LUZP2: variants seen among roughly 807,000 people sequenced by gnomAD.
The protein encoded by LUZP2 is leucine zipper protein 2.
Under a neutral mutation model 51.6 loss-of-function variants are expected in LUZP2, and 52 were observed. The ratio of observed to expected loss-of-function variants is 1.01; its 90% CI spans 0.81 to 1.27. The LOEUF is 1.27. LUZP2 is among the 50% of genes most tolerant of loss of function. LUZP2 has a pLI of 0.00. For synonymous variants in LUZP2, 154 were observed against 137.3 expected, an observed-to-expected ratio of 1.12 and a Z score of -0.85; for missense variants, 436 against 395.4, an observed-to-expected ratio of 1.10 and a Z score of -0.87.
chr11:24,963,510 A>G (rs980800384), intron 7 of LUZP2, among the ~76,000 whole-genome samples: 7 of 152,156 alleles, frequency 4.6e-5, no homozygotes, highest in African/African-American at 1.7e-4. Context: ...CTTGCAGTTT[A>G]ATCTCAGACT....
At chr11:24,932,972 T>G (rs1248343754) in intron 7 of LUZP2, among the ~76,000 whole-genome samples, 1 of 152,198 alleles carries the variant, frequency 6.6e-6, no homozygotes, top group African/African-American at 2.4e-5. Flanking sequence ...CCCTGGGGAC[T>G]GAATGTGCCC....
chr11:24,500,846 C>T (rs949824146), intron 1 of LUZP2, among the ~76,000 whole-genome samples: 1 of 152,072 alleles, frequency 6.6e-6, no homozygotes, highest in African/African-American at 2.4e-5. Flanking sequence ...AGTCACACTA[C>T]ATGTTTATTT....
At position 24,611,060 on chromosome 11, in the gene LUZP2, TTTTTA is replaced by T. The variant is rs934134511; in HGVS notation, c.62+113760_62+113764del. On this transcript the variant is annotated intron_variant, in intron 1 of 11. Transcript: ENST00000336930. This position sits in a 1 kb window ranked among gnomAD's most constrained non-coding sequence, Gnocchi z 4.6. The stretch of plus-strand genomic sequence containing the variant: ...ACCTTACATGACATAGCTTTGTTTT[TTTTTA>T]TTTTTATTTTTTGTTTTGTTTTGTT... Among the ~76,000 whole-genome samples, 10 of 152,084 alleles carry T rather than the reference TTTTTA, an allele frequency of 6.6e-5. No individual in the cohort carries two copies. The highest frequency in any genetic ancestry group is 1.5e-4 in the Non-Finnish European group (10 of 68,016).
chr11:24,821,535 A>T (rs61875884), intron 5 of LUZP2, among the ~76,000 whole-genome samples: 1 of 151,816 alleles, frequency 6.6e-6, no homozygotes, highest in Non-Finnish European at 1.5e-5. Flanking sequence ...TCTCTAACCC[A>T]TCTTGACCCT....
rs1016308352 is a variant in LUZP2, at chr11:24,609,259, G to A, written c.62+111954G>A. On this transcript the variant is annotated intron_variant, in intron 1 of 11. Coordinates refer to ENST00000336930, the MANE Select transcript of LUZP2 (RefSeq NM_001009909.4). The stretch of plus-strand genomic sequence containing the variant: ...TTCTAAAGAAGGAGTCATTTTGAGA[G>A]ATGAACCCCAATCCTAGCTCTGTAG... 7.2e-5 allele frequency among the ~76,000 whole-genome samples: 11 copies of A among 152,270 alleles called. No individual in the cohort carries two copies. In the South Asian group the frequency reaches 1.0e-3, roughly 14 times the overall value.
intron 1 of LUZP2, among the ~76,000 whole-genome samples, chr11:24,508,617 G>C (rs1425486068): frequency 6.6e-6 from 1 of 152,048 alleles, no homozygotes; most frequent in Non-Finnish European, 1.5e-5. Context: ...GCTGACCTGT[G>C]TTCTAATTAT....
intron 9 of LUZP2, among the ~76,000 whole-genome samples, chr11:25,003,021 C>T (rs1168054039): frequency 6.6e-6 from 1 of 152,152 alleles, no homozygotes; most frequent in African/African-American, 2.4e-5. Flanking sequence ...TGTATTCATT[C>T]CTTACGGAGG....
intron 1 of LUZP2, among the ~76,000 whole-genome samples, chr11:24,500,590 G>A (rs1181801585): frequency 2.6e-5 from 4 of 152,182 alleles, no homozygotes; most frequent in African/African-American, 9.7e-5. Flanking sequence ...GACCCATGGA[G>A]TGCTGGAGAA....
chr11:24,598,100 C>CA (rs200140320), intron 1 of LUZP2, among the ~76,000 whole-genome samples: 4,825 of 100,114 alleles, frequency 0.048, 106 homozygotes, highest in East Asian at 0.13. Context: ...GACTCTGTCT[C>CA]AAAAAAAAAA....
At chr11:25,021,734 C>A (rs558514463) in intron 9 of LUZP2, among the ~76,000 whole-genome samples, 1 of 151,750 alleles carries the variant, frequency 6.6e-6, no homozygotes, top group East Asian at 1.9e-4. Context: ...TTAGTTGTTT[C>A]TTTTATTATG....
chr11:24,958,645 G>A (rs1334514095), intron 7 of LUZP2, among the ~76,000 whole-genome samples: 2 of 151,886 alleles, frequency 1.3e-5, no homozygotes, highest in Non-Finnish European at 2.9e-5. Flanking sequence ...TGTAGATTCT[G>A]GATATTAGCC....
intron 7 of LUZP2, among the ~76,000 whole-genome samples, chr11:24,957,193 T>A (rs539163643): frequency 6.6e-6 from 1 of 152,280 alleles, no homozygotes. Flanking sequence ...AGCTGTTATC[T>A]TTCGCTTATT....
chr11:24,587,289 A>C (rs1853100271), intron 1 of LUZP2, among the ~76,000 whole-genome samples: 1 of 149,188 alleles, frequency 6.7e-6, no homozygotes. Context: ...GGAGGTATTA[A>C]TTTGGGATTG....
At chr11:24,821,566 A>G (rs989598531) in intron 5 of LUZP2, among the ~76,000 whole-genome samples, 1 of 152,088 alleles carries the variant, frequency 6.6e-6, no homozygotes, top group Non-Finnish European at 1.5e-5. Context: ...TCATGCTGTT[A>G]AGTAAGATTC....
intron 9 of LUZP2, among the ~76,000 whole-genome samples, chr11:25,048,142 T>C (rs1414177482): frequency 6.6e-6 from 1 of 152,158 alleles, no homozygotes; most frequent in Non-Finnish European, 1.5e-5. Context: ...GTATAAAATT[T>C]GTAGCTCAAT....
intron 2 of LUZP2, among the ~76,000 whole-genome samples, chr11:24,730,708 A>G (rs1858682925): frequency 6.6e-6 from 1 of 151,838 alleles, no homozygotes; most frequent in African/African-American, 2.4e-5. Context: ...AGATGTGATC[A>G]GTATTTACAA....
chr11:24,798,770 T>C (rs1187443595), intron 5 of LUZP2, among the ~76,000 whole-genome samples: 1 of 151,196 alleles, frequency 6.6e-6, no homozygotes, highest in East Asian at 2.0e-4. Context: ...TGTGGGAGAG[T>C]TGACATAAGG....
chr11:24,713,704 T>TTC (rs1857930876), intron 1 of LUZP2, among the ~76,000 whole-genome samples: 1 of 148,202 alleles, frequency 6.7e-6, no homozygotes. Context: ...TTTTTTTTTT[T>TTC]CTGAGATGGA....
At chr11:24,600,199 A>G (rs12361021) in intron 1 of LUZP2, among the ~76,000 whole-genome samples, 13 of 148,462 alleles carry the variant, frequency 8.8e-5, no homozygotes, top group African/African-American at 3.2e-4. Context: ...ACACACACAC[A>G]CACACACACA....
Sources: gnomAD v4.1 joint callset for allele counts (sites outside exome capture counted in the v4.1 genomes callset) on GRCh38, gnomAD v4.1.1 for gene constraint, Gnocchi (gnomAD v3.1) non-coding constraint, MANE v1.5 for transcripts, NCBI Gene and HGNC (gene_info 2026-07-23, HGNC 2026-07-21) for gene names.